Variants in PLIN2 observed in about 807,000 individuals in gnomAD.
The protein encoded by PLIN2 is perilipin 2.
A neutral mutation model predicts 30.6 loss-of-function variants in PLIN2; 33 were observed. The observed-to-expected ratio is 1.08, with a 90% CI of 0.82 to 1.44. The LOEUF (loss-of-function observed/expected upper bound fraction) is 1.44, where lower values mean the gene tolerates loss of function less well. Among genes scored for constraint, PLIN2 ranks in the 40% most tolerant of loss-of-function variants. PLIN2 has a pLI of 0.00. For synonymous variants in PLIN2, 205 were observed against 201.1 expected (o/e 1.02, Z -0.16); for missense variants, 610 against 531.8 (o/e 1.15, Z -1.45).
Position 19,116,402 on chromosome 9 carries a change from T to A in PLIN2, c.1160A>T (p.Asp387Val). 6.2e-7 allele frequency: 1 copy of A among 1,614,206 alleles called. No individual in the cohort carries two copies. The highest frequency in any genetic ancestry group is 8.5e-7 in the Non-Finnish European group (1 of 1,180,038). Residue 387 changes from aspartate to valine, a missense_variant, in exon 8 of 8, where the codon GAC becomes GTC. By Grantham distance (152) the Asp-to-Val change is radical. Transcript: ENST00000276914. ...QLQKMKESLDDVMDYLVNNTP... is the reference protein window; with the variant it reads ...QLQKMKESLDVVMDYLVNNTP... ...GTTGTTAACAAGATAATCCATCACG[T>A]CATCTAAAGATTCCTTCATTTTCTG...
chr9:19,123,245 C>T, intron 4 of PLIN2: 1 of 986,916 alleles, frequency 1.0e-6, no homozygotes. Context: ...TTATATATAT[C>T]ACGTCTGCAT....
intron 4 of PLIN2, among the ~76,000 whole-genome samples, chr9:19,122,453 G>C (rs1295460807): frequency 6.6e-6 from 1 of 151,636 alleles, no homozygotes; most frequent in Non-Finnish European, 1.5e-5. Flanking sequence ...ATGCTGTGCA[G>C]GTTTGTAGCC....
downstream of PLIN2, among the ~76,000 whole-genome samples, chr9:19,111,252 T>C (rs1818154864): frequency 6.6e-6 from 1 of 152,142 alleles, no homozygotes; most frequent in South Asian, 2.1e-4. Context: ...TTTCACCATG[T>C]TGGCCAGGCT....
At chr9:19,124,095 G>A (rs1190779605) in intron 3 of PLIN2, among the ~76,000 whole-genome samples, 1 of 151,530 alleles carries the variant, frequency 6.6e-6, no homozygotes, top group Non-Finnish European at 1.5e-5. Context: ...CTGACAGGAA[G>A]AGGCCTGGCA....
intron 1 of PLIN2, 57 bp from the exon 2 acceptor site, chr9:19,126,505 C>G: frequency 1.7e-6 from 2 of 1,143,224 alleles, no homozygotes; most frequent in Non-Finnish European, 2.6e-6. Flanking sequence ...AAATTCATTC[C>G]CCAACCCAAG....
chr9:19,126,472 G>T (rs377389478), intron 1 of PLIN2, 24 bp from the exon 2 acceptor site: 5 of 1,471,692 alleles, frequency 3.4e-6, no homozygotes, highest in African/African-American at 1.4e-5. Context: ...ACTTATTTCA[G>T]AACACCGGGA....
intron 4 of PLIN2, chr9:19,123,290 A>C: frequency 7.1e-7 from 1 of 1,407,334 alleles, no homozygotes; most frequent in South Asian, 1.3e-5. Flanking sequence ...GTTACTTGAG[A>C]CAGCAATTTC....
In PLIN2 at chr9:19,116,190, A is replaced by C; in HGVS notation, c.*58T>G. 1 of 1,481,586 alleles carries C rather than the reference A, an allele frequency of 6.7e-7. No individual in the cohort carries two copies. The highest frequency in any genetic ancestry group is 1.4e-5 in the South Asian group (1 of 71,076). The allele number at this position is 1,481,586 out of a possible 1,614,324, so 91.8% of individuals were successfully genotyped here. A position where few individuals can be genotyped will look rare whatever the true frequency, so the allele number is the denominator to read the frequency against. Reference sequence around the variant, plus strand: ...TAGGGTTGCCTAGCAAGTTAATTTCAACATAACAAAAGGTGTCATCTGTCT... The same window carrying C: ...TAGGGTTGCCTAGCAAGTTAATTTCCACATAACAAAAGGTGTCATCTGTCT... On this transcript the variant is annotated 3_prime_UTR_variant, in exon 8 of 8. Transcript: ENST00000276914.
chr9:19,116,135 G>C lies in PLIN2; in HGVS notation c.*113C>G. The C allele has an allele frequency of 1.1e-6, 1 of 932,676 alleles. No homozygotes were observed. The highest frequency in any genetic ancestry group is 2.5e-5 in the East Asian group (1 of 40,696). The allele number at this position is 932,676 out of a possible 1,614,324, so 57.8% of individuals were successfully genotyped here. A position where few individuals can be genotyped will look rare whatever the true frequency, so the allele number is the denominator to read the frequency against. On this transcript the variant is annotated 3_prime_UTR_variant, in exon 8 of 8. Transcript: ENST00000276914. Reference sequence around the variant, plus strand: ...CAGCTGGAAACAACTACAATTGAGGGCCTTTATACTAGCTACTTGCTTCCC... The same window carrying C: ...CAGCTGGAAACAACTACAATTGAGGCCCTTTATACTAGCTACTTGCTTCCC...
Position 19,116,378 on chromosome 9 carries a change from T to C in PLIN2, c.1184A>G (p.Asn395Ser). The change falls in exon 8 of 8, where the codon AAC becomes AGC. Residue 395 changes from asparagine (N) to serine (S), a missense_variant. Asn to Ser is a conservative substitution (Grantham distance 46, BLOSUM62 1). Coordinates refer to ENST00000276914, the MANE Select transcript of PLIN2 (RefSeq NM_001122.4). ...ACCTACCAGCCAGTTGAGGGGCGTG[T>C]TGTTAACAAGATAATCCATCACGTC... ...LDDVMDYLVN[N>S]TPLNWLVGPF... 1 of 1,614,206 alleles carries C rather than the reference T, an allele frequency of 6.2e-7. No individual in the cohort carries two copies. The highest frequency in any genetic ancestry group is 1.1e-5 in the South Asian group (1 of 91,092).
intron 2 of PLIN2, among the ~76,000 whole-genome samples, chr9:19,109,527 C>T (rs1483989787): frequency 1.6e-5 from 2 of 125,548 alleles, no homozygotes. Context: ...GGCGACAGAG[C>T]GAGACTCTGT....
At chr9:19,117,662 G>A (rs573049134) in intron 7 of PLIN2, among the ~76,000 whole-genome samples, 9 of 151,422 alleles carry the variant, frequency 5.9e-5, no homozygotes, top group African/African-American at 1.7e-4. Flanking sequence ...CTGTTGCCCA[G>A]GCTGGAGTGC....
chr9:19,123,159 T>C (rs568294366), intron 4 of PLIN2: 1 of 574,250 alleles, frequency 1.7e-6, no homozygotes, highest in Non-Finnish European at 3.1e-6. Flanking sequence ...AAGCCTATCA[T>C]TTTTGTCAAC....
intron 7 of PLIN2, 110 bp from the exon 8 acceptor site, chr9:19,116,759 T>C (rs922591470): frequency 7.2e-6 from 6 of 834,436 alleles, no homozygotes; most frequent in Middle Eastern, 3.1e-4. Flanking sequence ...TCTTTGGCTT[T>C]TAAAAATCCT....
chr9:19,120,080 A>G (rs1052105675), intron 5 of PLIN2, among the ~76,000 whole-genome samples: 4 of 151,478 alleles, frequency 2.6e-5, no homozygotes, highest in African/African-American at 9.7e-5. Context: ...TTTTTTTGGA[A>G]ACAGGTCTTG....
rs1273099880 is a variant in PLIN2 at position 19,127,398 on chromosome 9, AC to A, written c.-23+20del. 6.6e-6 allele frequency: 1 copy of A among 152,154 alleles called. No individual in the cohort carries two copies. The highest frequency in any genetic ancestry group is 6.5e-5 in the Admixed American group (1 of 15,272). 9.4% of individuals were successfully genotyped at this position (152,154 alleles called of 1,614,324 possible). ...GGGCCCGGGACCGGTTCGCTGGGGC[AC>A]CCACTGGGCGCGCACTCACCGACGG... On this transcript the variant is annotated intron_variant, in intron 1 of 7. Coordinates refer to ENST00000276914, the MANE Select transcript of PLIN2 (RefSeq NM_001122.4). The surrounding 1 kb of genome is among the most constrained non-coding windows in gnomAD (Gnocchi z 4.3).
At chr9:19,113,384 A>T (rs1481208025), downstream of PLIN2, among the ~76,000 whole-genome samples, 1 of 151,990 alleles carries the variant, frequency 6.6e-6, no homozygotes, top group Non-Finnish European at 1.5e-5. Flanking sequence ...GTCACTGGGA[A>T]CAGGAAGGCA....
intron 2 of PLIN2, among the ~76,000 whole-genome samples, chr9:19,109,967 A>T (rs921132977): frequency 6.6e-6 from 1 of 151,994 alleles, no homozygotes; most frequent in Non-Finnish European, 1.5e-5. Context: ...AGGAAAAAAA[A>T]AAAAATCCCT....
chr9:19,111,727 T>G (rs2131172555), downstream of PLIN2, among the ~76,000 whole-genome samples: 1 of 152,274 alleles, frequency 6.6e-6, no homozygotes, highest in East Asian at 1.9e-4. Flanking sequence ...AACAAGTCTT[T>G]GGCTTAAGCT....
Sources: allele counts gnomAD v4.1 joint callset (sites outside exome capture counted in the v4.1 genomes callset), GRCh38; gene constraint gnomAD v4.1.1; non-coding constraint Gnocchi (gnomAD v3.1); transcripts MANE v1.5; gene names NCBI Gene and HGNC (gene_info 2026-07-23, HGNC 2026-07-21).